IREB2: variants seen among roughly 807,000 people sequenced by gnomAD.
The protein encoded by IREB2 is iron-responsive element-binding protein 2.
In IREB2, 39 loss-of-function variants were observed where a neutral mutation model predicts 118.8. The ratio of observed to expected loss-of-function variants is 0.33; its 90% CI spans 0.25 to 0.43. The LOEUF is 0.43. IREB2 is among the 20% of genes least tolerant of loss of function. The pLI, the probability that IREB2 is intolerant of heterozygous loss-of-function variation, is 1.00. For missense variants in IREB2, 900 were observed against 1,147.3 expected, an observed-to-expected ratio of 0.78 and a Z score of 3.11; for synonymous variants, 372 against 392.2, an observed-to-expected ratio of 0.95 and a Z score of 0.61.
At chr15:78,442,936 C>T (rs1056761917) in intron 2 of IREB2, among the ~76,000 whole-genome samples, 1 of 152,096 alleles carries the variant, frequency 6.6e-6, no homozygotes. Flanking sequence ...TCTCCAGGGG[C>T]TTTTGCCTCT....
chr15:78,461,242 T>G (rs2051192018), intron 2 of IREB2, among the ~76,000 whole-genome samples: 1 of 152,202 alleles, frequency 6.6e-6, no homozygotes, highest in Admixed American at 6.5e-5. Context: ...TCTATAAAGC[T>G]TAGATGTTGC....
At chr15:78,478,489 G>A (rs922316347) in intron 10 of IREB2, 92 bp downstream of exon 10, 1 of 749,402 alleles carries the variant, frequency 1.3e-6, no homozygotes, top group Non-Finnish European at 2.3e-6. Flanking sequence ...GATTGTTTGA[G>A]TTCAAGAGTT....
At chr15:78,468,080 C>T (rs1240264582) in intron 5 of IREB2, among the ~76,000 whole-genome samples, 1 of 152,158 alleles carries the variant, frequency 6.6e-6, no homozygotes, top group Admixed American at 6.5e-5. Flanking sequence ...TCTCGAACTC[C>T]TGGCCTCAAG....
chr15:78,493,674 C>T (rs1277718363), intron 18 of IREB2, among the ~76,000 whole-genome samples: 1 of 151,388 alleles, frequency 6.6e-6, no homozygotes, highest in Non-Finnish European at 1.5e-5. Flanking sequence ...GAAAAGTATG[C>T]TGTTAAAATT....
Position 78,488,289 on chromosome 15 carries a change from A to G in IREB2, c.1904A>G (p.Tyr635Cys), listed in dbSNP as rs779797134. ...YLASPPLVVA[Y>C]AIAGTVNIDF... ...GCCTCTCCACCCTTAGTGGTAGCTT[A>G]TGCCATAGCAGGCACAGTGAATATA... Residue 635 changes from tyrosine to cysteine, a missense_variant, in exon 15 of 22, where the codon TAT becomes TGT. By Grantham distance (194) the Tyr-to-Cys change is radical (BLOSUM62 -2). Transcript: ENST00000258886. The G allele has an allele frequency of 1.9e-6, 3 of 1,609,846 alleles. No individual in the cohort carries two copies. The highest frequency in any genetic ancestry group is 2.5e-6 in the Non-Finnish European group (3 of 1,178,768).
At chr15:78,479,008 G>A (rs2051522184) in intron 10 of IREB2, among the ~76,000 whole-genome samples, 1 of 152,134 alleles carries the variant, frequency 6.6e-6, no homozygotes, top group South Asian at 2.1e-4. Context: ...CACAATCATG[G>A]TTCACTGTAG....
intron 14 of IREB2, 54 bp from the exon 15 acceptor site, chr15:78,488,126 T>C: frequency 2.0e-6 from 3 of 1,519,878 alleles, no homozygotes; most frequent in Non-Finnish European, 2.7e-6. Context: ...TTATCCAGAT[T>C]TGTACCATCT....
chr15:78,491,954 C>A (rs2051758683), intron 18 of IREB2, among the ~76,000 whole-genome samples: 1 of 152,132 alleles, frequency 6.6e-6, no homozygotes, highest in African/African-American at 2.4e-5. Flanking sequence ...AAACAGTCAA[C>A]ACTTCTCTCA....
intron 2 of IREB2, among the ~76,000 whole-genome samples, chr15:78,442,397 G>A (rs1199141359): frequency 6.6e-6 from 1 of 152,172 alleles, no homozygotes; most frequent in Non-Finnish European, 1.5e-5. Flanking sequence ...TTGCCTCCTA[G>A]ACATATGCTT....
At chr15:78,438,060 G>C (rs566288964), upstream of IREB2, 3 of 480,162 alleles carry the variant, frequency 6.2e-6, no homozygotes, top group East Asian at 1.0e-4. Flanking sequence ...GCCCCCGCTC[G>C]CGAGAACAGC....
intron 1 of IREB2, chr15:78,438,675 G>A: frequency 2.2e-6 from 1 of 449,886 alleles, no homozygotes. Flanking sequence ...AACACCAGGG[G>A]CAGGGAGAGG....
chr15:78,440,818 C>G (rs1282052402), intron 2 of IREB2, among the ~76,000 whole-genome samples: 1 of 152,156 alleles, frequency 6.6e-6, no homozygotes, highest in Non-Finnish European at 1.5e-5. Context: ...GGCAGACATT[C>G]TCATTGACCT....
Position 78,476,319 on chromosome 15 carries a change from C to T in IREB2, c.1155C>T (p.Phe385=). 3.1e-6 allele frequency: 5 copies of T among 1,596,054 alleles called. No homozygotes were observed. The highest frequency in any genetic ancestry group is 4.3e-6 in the Non-Finnish European group (5 of 1,166,610). ...AATATGGTGCTATCCTCAGCTTTTT[C>T]CCTGTTGACAATGTGACATTAAAAC... is the stretch of plus-strand genomic sequence containing the variant. ...CPEYGAILSF[F]PVDNVTLKHL... The change falls in exon 9 of 22, where the codon TTC becomes TTT. Residue 385 remains phenylalanine, a synonymous_variant. Coordinates refer to ENST00000258886, the MANE Select transcript of IREB2 (RefSeq NM_004136.4).
At chr15:78,472,737 T>C (rs2141490979) in intron 7 of IREB2, among the ~76,000 whole-genome samples, 1 of 152,358 alleles carries the variant, frequency 6.6e-6, no homozygotes, top group South Asian at 2.1e-4. Flanking sequence ...CTGCCGACCG[T>C]GACTTTGTTG....
chr15:78,481,604 A>T (rs2051573971), intron 10 of IREB2: 1 of 147,804 alleles, frequency 6.8e-6, no homozygotes, highest in African/African-American at 2.5e-5. Flanking sequence ...TGACCTCATG[A>T]TCCGCCTGCC....
At chr15:78,456,810 A>G (rs1184162631) in intron 2 of IREB2, among the ~76,000 whole-genome samples, 2 of 152,104 alleles carry the variant, frequency 1.3e-5, no homozygotes, top group Non-Finnish European at 2.9e-5. Context: ...CCTGTCCCCA[A>G]TTTCTACTCC....
chr15:78,464,740 C>T (rs1350808050), intron 3 of IREB2, among the ~76,000 whole-genome samples: 3 of 152,182 alleles, frequency 2.0e-5, no homozygotes, highest in African/African-American at 4.8e-5. Context: ...TAATCATTAT[C>T]TTCCCTAAAA....
In IREB2 at chr15:78,478,290, G is replaced by T; in HGVS notation, c.1196-7G>T. On this transcript the variant is annotated splice_region_variant and splice_polypyrimidine_tract_variant and intron_variant, in intron 9 of 21. Coordinates refer to ENST00000258886, the MANE Select transcript of IREB2 (RefSeq NM_004136.4). ...GCATTTTGTTGTTTTGTTCATCTTC[G>T]TTTTAGGTTTTAGCAAAGCCAAACT... The T allele has an allele frequency of 1.3e-6, 2 of 1,577,258 alleles. No homozygotes were observed. Among genetic ancestry groups the T allele is most frequent in the East Asian group, 2.2e-5 (1 of 44,654 alleles).
chr15:78,465,503 G>A (rs943809347), intron 4 of IREB2, 115 bp downstream of exon 4: 6 of 929,084 alleles, frequency 6.5e-6, no homozygotes, highest in East Asian at 5.3e-5. Flanking sequence ...GCTAAATTTA[G>A]TATTGGCTAG....
Sources: allele counts gnomAD v4.1 joint callset (sites outside exome capture counted in the v4.1 genomes callset), GRCh38; gene constraint gnomAD v4.1.1; transcripts MANE v1.5; gene names NCBI Gene and HGNC (gene_info 2026-07-23, HGNC 2026-07-21).